The following ABLIM2 variants were observed in gnomAD, a reference collection of about 807,000 sequenced individuals.
ABLIM2 encodes the protein actin-binding LIM protein 2.
ABLIM2 carries 53 observed loss-of-function variants against 97.7 expected under a neutral mutation model. That is an observed-to-expected ratio of 0.54 (90% CI 0.44 to 0.68). The LOEUF (loss-of-function observed/expected upper bound fraction) is 0.68, where lower values mean the gene tolerates loss of function less well. ABLIM2 is among the 30% of genes least tolerant of loss of function. The pLI is 0.00. For missense variants in ABLIM2, 835 were observed against 867.2 expected, an observed-to-expected ratio of 0.96 and a Z score of 0.47; for synonymous variants, 361 against 345.8, an observed-to-expected ratio of 1.04 and a Z score of -0.49.
intron 6 of ABLIM2, among the ~76,000 whole-genome samples, chr4:8,062,400 T>A (rs1803849968): frequency 6.6e-6 from 1 of 151,530 alleles, no homozygotes; most frequent in Non-Finnish European, 1.5e-5. Flanking sequence ...ATTTCGCTGA[T>A]CACAATTATT....
rs1554003996 is a variant in ABLIM2, at chr4:8,047,378, C to CCTCCTCTTT, written c.823-2138_823-2137insAAAGAGGAG. Among the ~76,000 whole-genome samples, 4 of 151,562 alleles carry CCTCCTCTTT rather than the reference C, an allele frequency of 2.6e-5. No individual in the cohort carries two copies. The East Asian group carries it at 5.8e-4, about 22-fold the overall frequency. On this transcript the variant is annotated intron_variant, in intron 8 of 20. Coordinates refer to ENST00000447017, the MANE Select transcript of ABLIM2 (RefSeq NM_001130083.2). Reference sequence around the variant, plus strand: ...GCCTCTTCCTCCTCCTCCTCCTCCTCCTCCTCCTCTTTCTCCTCCTCCTCC... The same window carrying CCTCCTCTTT: ...GCCTCTTCCTCCTCCTCCTCCTCCTCCTCCTCTTTCTCCTCCTCTTTCTCCTCCTCCTCC...
At position 8,032,396 on chromosome 4, in the gene ABLIM2, G is replaced by A. The variant is rs1414926936; in HGVS notation, c.1048-2620C>T. 6.6e-6 allele frequency among the ~76,000 whole-genome samples: 1 copy of A among 152,180 alleles called. No individual in the cohort carries two copies. Among genetic ancestry groups the A allele is most frequent in the African/African-American group, 2.4e-5 (1 of 41,448 alleles). On this transcript the variant is annotated intron_variant, in intron 10 of 20. Coordinates refer to ENST00000447017, the MANE Select transcript of ABLIM2 (RefSeq NM_001130083.2). The surrounding 1 kb of genome is among the most constrained non-coding windows in gnomAD (Gnocchi z 4.3). ...CACGGCCCAGACCACGATCTGCTCA[G>A]GGTAGACCCGCGTCCCAGGCGGCCA...
chr4:8,086,926 C>G (rs71603908), intron 4 of ABLIM2, among the ~76,000 whole-genome samples: 2 of 151,720 alleles, frequency 1.3e-5, no homozygotes, highest in Non-Finnish European at 2.9e-5. Context: ...CCTCCCGACC[C>G]GGTGGGGCTG....
rs1012332253 is a variant in ABLIM2, at chr4:7,992,369, C to T, written c.1680+497G>A. 6.6e-5 allele frequency among the ~76,000 whole-genome samples: 10 copies of T among 152,276 alleles called. No homozygotes were observed. Among genetic ancestry groups the T allele is most frequent in the African/African-American group, 1.9e-4 (8 of 41,570 alleles). The stretch of plus-strand genomic sequence containing the variant: ...CCTGACTTCAAGTTAATCCAATCTC[C>T]GTGCAGCCTCAAGTAACAGCCTTGG... On this transcript the variant is annotated intron_variant, in intron 17 of 20. Transcript: ENST00000447017. This position sits in a 1 kb window ranked among gnomAD's most constrained non-coding sequence, Gnocchi z 5.7.
chr4:8,026,317 T>C (rs1182153759), intron 12 of ABLIM2, among the ~76,000 whole-genome samples: 1 of 152,218 alleles, frequency 6.6e-6, no homozygotes, highest in Non-Finnish European at 1.5e-5. Flanking sequence ...CTTTGCTTCT[T>C]CTCAAAGGAG....
At chr4:8,110,711 G>A (rs905222398) in intron 1 of ABLIM2, among the ~76,000 whole-genome samples, 2 of 152,204 alleles carry the variant, frequency 1.3e-5, no homozygotes, top group African/African-American at 4.8e-5. Flanking sequence ...GCATGGATTT[G>A]CTTGGAGGCC....
At chr4:8,103,059 T>C (rs1835462523) in intron 2 of ABLIM2, among the ~76,000 whole-genome samples, 1 of 152,106 alleles carries the variant, frequency 6.6e-6, no homozygotes, top group Non-Finnish European at 1.5e-5. Context: ...TCTGAGACCA[T>C]GAGGAGAGGC....
At chr4:8,129,180 G>A (rs1848994719) in intron 1 of ABLIM2, among the ~76,000 whole-genome samples, 2 of 152,212 alleles carry the variant, frequency 1.3e-5, no homozygotes, top group South Asian at 4.1e-4. Flanking sequence ...ATTTCCCCAA[G>A]CTTTTGACAT....
At chr4:8,039,783 C>T (rs1042525177) in intron 9 of ABLIM2, among the ~76,000 whole-genome samples, 41 of 151,496 alleles carry the variant, frequency 2.7e-4, no homozygotes, top group Admixed American at 1.7e-3. Context: ...CACACAGAAG[C>T]GAGACCTGAA....
At chr4:8,100,116 T>A (rs1015475057) in intron 2 of ABLIM2, among the ~76,000 whole-genome samples, 1 of 152,092 alleles carries the variant, frequency 6.6e-6, no homozygotes, top group Admixed American at 6.5e-5. Context: ...TGAATCAACA[T>A]CACTTTCTGG....
rs753448837 is a variant in ABLIM2, at chr4:7,992,924, A to T, written c.1622T>A (p.Phe541Tyr). The T allele has an allele frequency of 6.2e-7, 1 of 1,612,902 alleles. No homozygotes were observed. Among genetic ancestry groups the T allele is most frequent in the South Asian group, 1.1e-5 (1 of 90,800 alleles). ...RMAGDSFHSR[F>Y]PYSKSDPLPG... is the part of the protein sequence containing the mutation. The stretch of plus-strand genomic sequence containing the variant: ...GAGAGGGTCAGATTTGGAATAGGGG[A>T]ATCCTGAAACAGACACAGCACAGCT... The change falls in exon 17 of 21, where the codon TTC becomes TAC. Residue 541 changes from phenylalanine to tyrosine, a missense_variant. Coordinates refer to ENST00000447017, the MANE Select transcript of ABLIM2 (RefSeq NM_001130083.2). This position sits in a 1 kb window ranked among gnomAD's most constrained non-coding sequence, Gnocchi z 5.7.
chr4:7,983,160 C>T (rs1165303478), intron 20 of ABLIM2, 104 bp downstream of exon 20: 3 of 1,214,792 alleles, frequency 2.5e-6, no homozygotes, highest in Non-Finnish European at 3.5e-6. Context: ...TGCACTGTCC[C>T]CCACGGTGGC....
At chr4:8,105,481 A>G (rs1836864726) in intron 2 of ABLIM2, among the ~76,000 whole-genome samples, 1 of 152,210 alleles carries the variant, frequency 6.6e-6, no homozygotes, top group South Asian at 2.1e-4. Flanking sequence ...GCCCGCAGCC[A>G]TTGGATGGGG....
chr4:8,064,366 A>G (rs1805601590), intron 6 of ABLIM2, among the ~76,000 whole-genome samples: 1 of 152,192 alleles, frequency 6.6e-6, no homozygotes, highest in South Asian at 2.1e-4. Context: ...GGACTGATAC[A>G]TTCATGGATT....
chr4:8,056,794 T>C (rs1026205289), intron 7 of ABLIM2, among the ~76,000 whole-genome samples: 33 of 151,424 alleles, frequency 2.2e-4, no homozygotes, highest in Non-Finnish European at 3.8e-4. Context: ...TAGCTGGGCA[T>C]GGTGGCGGGC....
chr4:8,156,191 AC>A (rs1715268723), intron 1 of ABLIM2, among the ~76,000 whole-genome samples: 1 of 59,666 alleles, frequency 1.7e-5, no homozygotes, highest in African/African-American at 6.4e-5. Flanking sequence ...GAATCCCCCC[AC>A]CCCACCCCCT....
At chr4:8,064,921 C>A (rs1467777165) in intron 6 of ABLIM2, among the ~76,000 whole-genome samples, 1 of 152,144 alleles carries the variant, frequency 6.6e-6, no homozygotes, top group Non-Finnish European at 1.5e-5. Flanking sequence ...GACCTAAACG[C>A]AAGAGCTAAA....
chr4:7,969,734 C>CACACACACACACACACACACACACAT, intron 20 of ABLIM2, among the ~76,000 whole-genome samples: 1 of 17,984 alleles, frequency 5.6e-5, no homozygotes, highest in East Asian at 9.5e-4. Context: ...CTCTCTGACA[C>CACACACACACACACACACACACACAT]ACACACACAC....
In ABLIM2 at chr4:8,054,139, T is replaced by C. The variant is rs901338530; in HGVS notation, c.822+49A>G. 1.9e-6 allele frequency: 3 copies of C among 1,588,940 alleles called. No homozygotes were observed. The highest frequency in any genetic ancestry group is 2.6e-6 in the Non-Finnish European group (3 of 1,157,250). On this transcript the variant is annotated intron_variant, in intron 8 of 20. Coordinates refer to ENST00000447017, the MANE Select transcript of ABLIM2 (RefSeq NM_001130083.2). This position sits in a 1 kb window ranked among gnomAD's most constrained non-coding sequence, Gnocchi z 4.9. The stretch of plus-strand genomic sequence containing the variant: ...TGTCCTCTTAACTGTACAAAGATGG[T>C]GCAGGAGCAGTGAAGGGTACATCAG...
Sources: gnomAD v4.1 joint callset for allele counts (sites outside exome capture counted in the v4.1 genomes callset) on GRCh38, gnomAD v4.1.1 for gene constraint, Gnocchi (gnomAD v3.1) non-coding constraint, MANE v1.5 for transcripts, NCBI Gene and HGNC (gene_info 2026-07-23, HGNC 2026-07-21) for gene names.